HOOK2: variants seen among roughly 807,000 people sequenced by gnomAD.
HOOK2 encodes the protein hook microtubule tethering protein 2.
HOOK2 carries 108 observed loss-of-function variants against 111.9 expected under a neutral mutation model. The ratio of observed to expected loss-of-function variants is 0.96; its 90% CI spans 0.83 to 1.13. The LOEUF is 1.13. Ranked by LOEUF, HOOK2 falls within the 50% of genes most tolerant of loss-of-function variation. HOOK2 has a pLI of 0.00. For missense variants in HOOK2, 978 were observed against 951.3 expected (o/e 1.03, Z -0.37); for synonymous variants, 405 against 394.3 (o/e 1.03, Z -0.32).
chr19:12,792,261 G>T, intron 3 of HOOK2: 1 of 1,497,160 alleles, frequency 6.7e-7, no homozygotes, highest in Non-Finnish European at 8.9e-7. Context: ...CGCTACCGGG[G>T]GGCCCCCGGC....
upstream of HOOK2, among the ~76,000 whole-genome samples, chr19:12,781,959 C>A (rs1225497859): frequency 6.6e-6 from 1 of 152,052 alleles, no homozygotes; most frequent in South Asian, 2.1e-4. Flanking sequence ...CTCGCCTCAA[C>A]CCCCACATAC....
intron 3 of HOOK2, among the ~76,000 whole-genome samples, chr19:12,789,475 A>G (rs924427264): frequency 2.0e-5 from 3 of 152,162 alleles, no homozygotes; most frequent in Admixed American, 1.3e-4. Flanking sequence ...TCTGGATGAT[A>G]GTAGGATGGG....
At position 12,772,808 on chromosome 19, in the gene HOOK2, G is replaced by C. The variant is rs752375576; in HGVS notation, c.360C>G (p.Gly120=). The change falls in exon 5 of 23, where the codon GGC becomes GGG. Residue 120 remains glycine (G), a synonymous_variant. Transcript: ENST00000397668. The part of the protein sequence containing the change: ...ELGKLLQLVL[G]CAISCEKKQD... The stretch of plus-strand genomic sequence containing the variant: ...GCTTTTTCTCGCAACTGATGGCACA[G>C]CCCAGCACCAGCTGAAGCAGCTTGC... The C allele has an allele frequency of 1.2e-6, 2 of 1,614,102 alleles. No individual in the cohort carries two copies. Among genetic ancestry groups the C allele is most frequent in the African/African-American group, 2.7e-5 (2 of 74,944 alleles).
intron 11 of HOOK2, among the ~76,000 whole-genome samples, chr19:12,768,858 T>C (rs1163829470): frequency 6.6e-6 from 1 of 152,044 alleles, no homozygotes; most frequent in Non-Finnish European, 1.5e-5. Flanking sequence ...AGTGCAGTGA[T>C]GCGATCTTGG....
rs1469944843 is a variant in HOOK2, at chr19:12,768,117, C to T, written c.1111G>A (p.Glu371Lys). 1 of 1,613,872 alleles carries T rather than the reference C, an allele frequency of 6.2e-7. No individual in the cohort carries two copies. Among genetic ancestry groups the T allele is most frequent in the Middle Eastern group, 1.7e-4 (1 of 6,058 alleles). The change falls in exon 12 of 23, where the codon GAA becomes AAA. Residue 371 changes from glutamate to lysine, a missense_variant. By Grantham distance (56) the Glu-to-Lys change is moderately conservative (BLOSUM62 1). This residue lies in a region of HOOK2 where 388 missense variants were observed against 358.3 expected (regional missense o/e 1.08). Transcript: ENST00000397668. ...QLEAQRRQVQELQGQRQEEAM... is the reference protein window; with the variant it reads ...QLEAQRRQVQKLQGQRQEEAM... ...TCCTCCTGCCGCTGGCCCTGCAGTT[C>T]CTGCACCTGAACACAGAGAGGGGAG... is the stretch of plus-strand genomic sequence containing the variant.
chr19:12,774,976 G>T, intron 1 of HOOK2, 79 bp from the exon 2 acceptor site: 1 of 1,382,120 alleles, frequency 7.2e-7, no homozygotes, highest in South Asian at 1.2e-5. Context: ...GACTTTTCCA[G>T]TCAGCGAACC....
At position 12,766,132 on chromosome 19, in the gene HOOK2, G is replaced by C. The variant is rs764710933; in HGVS notation, c.1482C>G (p.Arg494=). The change falls in exon 15 of 23, where the codon CGC becomes CGG. Residue 494 remains arginine (R), a synonymous_variant. Transcript: ENST00000397668. ...GCTGCGTCTCCAACCCGTGGCGCGC[G>C]CGGTTGGCATCCTCCAGGTGGCGCT... ...ELQRHLEDAN[R]ARHGLETQHR... 1 of 1,601,664 alleles carries C rather than the reference G, an allele frequency of 6.2e-7. No homozygotes were observed. The highest frequency in any genetic ancestry group is 8.5e-7 in the Non-Finnish European group (1 of 1,179,072).
At chr19:12,767,527 T>C (rs2145739675) in intron 13 of HOOK2, 63 bp from the exon 14 acceptor site, 5 of 1,358,018 alleles carry the variant, frequency 3.7e-6, no homozygotes, top group East Asian at 2.3e-5. Flanking sequence ...CCTAGGGTCT[T>C]CTTCCCAAGG....
rs538491472 is a variant in HOOK2, at chr19:12,785,431, CACAA to C, written n.42-11210_42-11207del. Among the ~76,000 whole-genome samples, 12 of 151,474 alleles carry C rather than the reference CACAA, an allele frequency of 7.9e-5. No homozygotes were observed. In the South Asian group the frequency reaches 1.2e-3, roughly 16 times the overall value. ...CAGCCACAGACCTCTTTTACACACA[CACAA>C]ACAGATCATATACACACATACAGAC... On this transcript the variant is annotated intron_variant and non_coding_transcript_variant, in intron 3 of 3. Transcript: ENST00000589765.
chr19:12,764,584 T>C, intron 20 of HOOK2: 1 of 558,438 alleles, frequency 1.8e-6, no homozygotes, highest in East Asian at 3.0e-5. Context: ...TGCCTTGACC[T>C]CCCAAAGTGC....
chr19:12,776,410 G>T (rs1404034109), upstream of HOOK2, among the ~76,000 whole-genome samples: 3 of 151,734 alleles, frequency 2.0e-5, no homozygotes, highest in Non-Finnish European at 4.4e-5. Context: ...CCCAGGTAGC[G>T]GTGGCTCACG....
At chr19:12,782,196 C>T (rs1057082949), upstream of HOOK2, among the ~76,000 whole-genome samples, 6 of 152,190 alleles carry the variant, frequency 3.9e-5, no homozygotes, top group African/African-American at 1.4e-4. Flanking sequence ...ATGTATCTGC[C>T]ACCTACCTAT....
intron 13 of HOOK2, 68 bp downstream of exon 13, chr19:12,767,748 G>C: frequency 1.4e-6 from 2 of 1,436,790 alleles, no homozygotes; most frequent in Non-Finnish European, 1.9e-6. Context: ...CATGCACTGG[G>C]ACACAACCTG....
chr19:12,770,883 G>A, intron 10 of HOOK2, 49 bp downstream of exon 10: 1 of 1,556,940 alleles, frequency 6.4e-7, no homozygotes, highest in South Asian at 1.2e-5. Flanking sequence ...TCTGGAAACA[G>A]GTTTACCCCC....
At chr19:12,775,685 G>C (rs978324357), upstream of HOOK2, 12 of 387,034 alleles carry the variant, frequency 3.1e-5, no homozygotes, top group Admixed American at 9.9e-5. Flanking sequence ...TCCGGGCACC[G>C]TTCGGGCGCC....
chr19:12,776,115 G>T (rs1375036818), upstream of HOOK2, among the ~76,000 whole-genome samples: 1 of 149,706 alleles, frequency 6.7e-6, no homozygotes, highest in Non-Finnish European at 1.5e-5. Context: ...CTGACCTCGT[G>T]ATCCGCCCGC....
chr19:12,768,265 G>C (rs932218693), intron 11 of HOOK2, 142 bp from the exon 12 acceptor site: 16 of 686,254 alleles, frequency 2.3e-5, no homozygotes, highest in Non-Finnish European at 3.1e-5. Flanking sequence ...GTATGTTTTT[G>C]CTTGTTTTTT....
rs750132041 is a variant in HOOK2, at chr19:12,765,091, G to A, written c.1641-10C>T. The A allele has an allele frequency of 1.8e-5, 29 of 1,613,800 alleles. No individual in the cohort carries two copies. Among genetic ancestry groups the A allele is most frequent in the East Asian group, 4.5e-5 (2 of 44,890 alleles). On this transcript the variant is annotated splice_polypyrimidine_tract_variant and intron_variant, in intron 18 of 22. Transcript: ENST00000397668. Reference sequence around the variant, plus strand: ...CTCATGAAGCTTCTGCCTGTGGGCCGGGGATGAGCAGCAGTGGGCTGACCT... The same window carrying A: ...CTCATGAAGCTTCTGCCTGTGGGCCAGGGATGAGCAGCAGTGGGCTGACCT...
intron 14 of HOOK2, 114 bp downstream of exon 14, chr19:12,767,281 T>C: frequency 1.2e-6 from 1 of 838,014 alleles, no homozygotes; most frequent in Non-Finnish European, 2.0e-6. Flanking sequence ...GGCTGGCACC[T>C]GGAGCTGAGA....
Sources: gnomAD v4.1 joint callset for allele counts (sites outside exome capture counted in the v4.1 genomes callset) on GRCh38, gnomAD v4.1.1 for gene constraint, gnomAD v4.1.1 regional missense constraint, MANE v1.5 for transcripts, NCBI Gene and HGNC (gene_info 2026-07-23, HGNC 2026-07-21) for gene names.